The following LDB2 variants were observed in gnomAD, a reference collection of about 807,000 sequenced individuals.
LDB2 encodes LIM domain binding 2, also known as LIM domain-binding protein 2.
In LDB2, 12 loss-of-function variants were observed where a neutral mutation model predicts 44.3. The ratio of observed to expected loss-of-function variants is 0.27; its 90% CI spans 0.17 to 0.44. LDB2 has a LOEUF of 0.44. Ranked by LOEUF, LDB2 falls within the 20% of genes least tolerant of loss-of-function variation. LDB2 has a pLI of 1.00. For missense variants in LDB2, 344 were observed against 473.5 expected (o/e 0.73, Z 2.54); for synonymous variants, 164 against 174.8 (o/e 0.94, Z 0.49).
At chr4:16,526,331 A>C (rs1045949893) in intron 5 of LDB2, among the ~76,000 whole-genome samples, 1 of 152,216 alleles carries the variant, frequency 6.6e-6, no homozygotes, top group Non-Finnish European at 1.5e-5. Context: ...AGCACTAGGC[A>C]GTGCTCCCCC....
chr4:16,551,784 T>C (rs557218103), intron 5 of LDB2, among the ~76,000 whole-genome samples: 231 of 152,344 alleles, frequency 1.5e-3, no homozygotes, highest in Non-Finnish European at 2.6e-3. Context: ...CCCAAAGTGC[T>C]GGGATTACAG....
intron 2 of LDB2, among the ~76,000 whole-genome samples, chr4:16,744,952 A>T (rs1459153403): frequency 1.3e-5 from 2 of 152,200 alleles, no homozygotes; most frequent in Non-Finnish European, 2.9e-5. Context: ...TGTATCAGGG[A>T]TTGTATGTAT....
At chr4:16,738,275 C>G (rs1436417944) in intron 2 of LDB2, among the ~76,000 whole-genome samples, 2 of 152,152 alleles carry the variant, frequency 1.3e-5, no homozygotes, top group Non-Finnish European at 2.9e-5. Flanking sequence ...TACACCGCTG[C>G]TCCTCACCCA....
At chr4:16,810,316 G>A (rs1176634546) in intron 1 of LDB2, among the ~76,000 whole-genome samples, 2 of 152,062 alleles carry the variant, frequency 1.3e-5, no homozygotes, top group East Asian at 1.9e-4. Flanking sequence ...TCCTACCCAC[G>A]GGGGTCCCTA....
chr4:16,751,237 G>A (rs1157641837), intron 2 of LDB2, among the ~76,000 whole-genome samples: 1 of 152,138 alleles, frequency 6.6e-6, no homozygotes, highest in African/African-American at 2.4e-5. Context: ...AACCACCTCA[G>A]ATTTCATAAC....
At position 16,502,460 on chromosome 4, in the gene LDB2, T is replaced by C; in HGVS notation, c.*183A>G. On this transcript the variant is annotated 3_prime_UTR_variant, in exon 8 of 8. Transcript: ENST00000304523. ...CCAAGAAAGGGTCATGGAAGCTTAC[T>C]GGGAATAATCCTCTCAATTAGAAAA... 1.2e-6 allele frequency: 1 copy of C among 833,912 alleles called. No homozygotes were observed. The highest frequency in any genetic ancestry group is 2.8e-5 in the Admixed American group (1 of 35,554). The allele number at this position is 833,912 out of a possible 1,614,324, so 51.7% of individuals were successfully genotyped here.
At chr4:16,578,393 A>G (rs1476558934) in intron 5 of LDB2, among the ~76,000 whole-genome samples, 1 of 152,222 alleles carries the variant, frequency 6.6e-6, no homozygotes. Flanking sequence ...AATAGGCAAA[A>G]GATCTTAATA....
At chr4:16,847,354 C>T (rs976301394) in intron 1 of LDB2, among the ~76,000 whole-genome samples, 2 of 152,136 alleles carry the variant, frequency 1.3e-5, no homozygotes, top group Admixed American at 6.6e-5. Context: ...TTACTCAATA[C>T]TGTTGGAAAC....
intron 2 of LDB2, among the ~76,000 whole-genome samples, chr4:16,653,258 A>C (rs777415578): frequency 6.6e-6 from 1 of 152,136 alleles, no homozygotes; most frequent in Non-Finnish European, 1.5e-5. Flanking sequence ...GGCTTCTGCT[A>C]ATTGTTGCTG....
intron 2 of LDB2, among the ~76,000 whole-genome samples, chr4:16,724,153 T>C (rs892228165): frequency 6.6e-6 from 1 of 152,086 alleles, no homozygotes; most frequent in Non-Finnish European, 1.5e-5. Context: ...ATGACAACAA[T>C]AAATTTAAAT....
chr4:16,897,249 T>A (rs537217860), intron 1 of LDB2, among the ~76,000 whole-genome samples: 15 of 152,288 alleles, frequency 9.8e-5, no homozygotes, highest in Middle Eastern at 3.4e-3. Context: ...AATCTAAAAT[T>A]CCACCAGAGC....
Position 16,837,497 on chromosome 4 carries a change from A to G in LDB2, c.132+60857T>C, listed in dbSNP as rs188059497. Among the ~76,000 whole-genome samples, 17 of 152,280 alleles carry G rather than the reference A, an allele frequency of 1.1e-4. No individual in the cohort carries two copies. In the East Asian group the frequency reaches 2.3e-3, roughly 21 times the overall value. On this transcript the variant is annotated intron_variant, in intron 1 of 7. Transcript: ENST00000304523. ...TGGACCTAGCTACATAACTTGCTCT[A>G]TTGAATGTTCAGAGTCTATTGAATG... is the stretch of plus-strand genomic sequence containing the variant.
At chr4:16,598,468 T>C (rs945240981) in intron 2 of LDB2, among the ~76,000 whole-genome samples, 4 of 152,182 alleles carry the variant, frequency 2.6e-5, no homozygotes, top group African/African-American at 9.7e-5. Flanking sequence ...TGAGCTCCAA[T>C]TGAGCTGCCT....
intron 7 of LDB2, among the ~76,000 whole-genome samples, chr4:16,503,370 C>T (rs1418755025): frequency 6.6e-6 from 1 of 152,280 alleles, no homozygotes; most frequent in Non-Finnish European, 1.5e-5. Flanking sequence ...GGTATTTTCT[C>T]TGTCCCAGGG....
intron 2 of LDB2, among the ~76,000 whole-genome samples, chr4:16,731,877 C>CA (rs1310097121): frequency 2.6e-5 from 4 of 151,960 alleles, no homozygotes; most frequent in African/African-American, 7.3e-5. Flanking sequence ...GCAGTAACTA[C>CA]AAAAAAGCAA....
At chr4:16,656,859 T>A (rs1231223327) in intron 2 of LDB2, among the ~76,000 whole-genome samples, 3 of 152,200 alleles carry the variant, frequency 2.0e-5, no homozygotes, top group Admixed American at 2.0e-4. Context: ...AATTGATAAT[T>A]AAATTAAAAT....
chr4:16,501,687 A>AAAG lies in LDB2; in HGVS notation c.*953_*955dup, dbSNP rs1174586369. 2.0e-5 allele frequency: 3 copies of AAAG among 152,678 alleles called. No individual in the cohort carries two copies. Among genetic ancestry groups the AAAG allele is most frequent in the Non-Finnish European group, 4.4e-5 (3 of 68,050 alleles). 9.5% of individuals were successfully genotyped at this position (152,678 alleles called of 1,614,324 possible). The stretch of plus-strand genomic sequence containing the variant: ...CAAATGGAAAAATTAATTCTCTTAT[A>AAAG]AAGTTTCACATAAATACACTGGAGT... On this transcript the variant is annotated 3_prime_UTR_variant, in exon 8 of 8. Transcript: ENST00000304523.
intron 1 of LDB2, among the ~76,000 whole-genome samples, chr4:16,820,565 C>T (rs1169463143): frequency 1.3e-5 from 2 of 152,160 alleles, no homozygotes; most frequent in Non-Finnish European, 2.9e-5. Context: ...GGAGTCAGCC[C>T]CATACCGGGC....
chr4:16,898,517 G>C lies in LDB2; in HGVS notation c.-32C>G, dbSNP rs2110591731. 6.2e-7 allele frequency: 1 copy of C among 1,611,560 alleles called. No individual in the cohort carries two copies. Among genetic ancestry groups the C allele is most frequent in the African/African-American group, 1.3e-5 (1 of 74,792 alleles). The stretch of plus-strand genomic sequence containing the variant: ...TGCTTTTCGAAAATCAAGCTAAACA[G>C]AGTATCAGTAACGTCCATGCAGAGC... On this transcript the variant is annotated 5_prime_UTR_variant, in exon 1 of 8. Transcript: ENST00000304523.
Sources: allele counts gnomAD v4.1 joint callset (sites outside exome capture counted in the v4.1 genomes callset), GRCh38; gene constraint gnomAD v4.1.1; transcripts MANE v1.5; gene names NCBI Gene and HGNC (gene_info 2026-07-23, HGNC 2026-07-21).